Variants in CSMD1 observed in about 807,000 individuals in gnomAD.
CSMD1 encodes the protein CUB and Sushi multiple domains 1.
In CSMD1, 213 loss-of-function variants were observed where a neutral mutation model predicts 417.5. The observed-to-expected ratio is 0.51, with a 90% CI of 0.46 to 0.57. The LOEUF (loss-of-function observed/expected upper bound fraction) is 0.57, where lower values mean the gene tolerates loss of function less well. Ranked by LOEUF, CSMD1 falls within the 20% of genes least tolerant of loss-of-function variation. The pLI is 0.00. For synonymous variants in CSMD1, 2,862 were observed against 1,736.8 expected, an observed-to-expected ratio of 1.65 and a Z score of -16.11; for missense variants, 6,923 against 4,529.7, an observed-to-expected ratio of 1.53 and a Z score of -15.17.
At chr8:4,751,932 T>C (rs1455421844) in intron 1 of CSMD1, among the ~76,000 whole-genome samples, 2 of 152,196 alleles carry the variant, frequency 1.3e-5, no homozygotes, top group South Asian at 4.1e-4. Flanking sequence ...GGAAGATCCA[T>C]GTAATCTGAG....
intron 3 of CSMD1, among the ~76,000 whole-genome samples, chr8:4,266,119 A>G (rs1354515): frequency 0.94 from 95,670 of 101,838 alleles, 46,011 homozygotes; most frequent in East Asian, 1. Flanking sequence ...ATCATTTGGA[A>G]CTGACTTAAA....
At chr8:3,709,454 C>G (rs944591349) in intron 6 of CSMD1, among the ~76,000 whole-genome samples, 24 of 152,028 alleles carry the variant, frequency 1.6e-4, no homozygotes, top group Admixed American at 1.5e-3. Flanking sequence ...CTGACTGCAC[C>G]ACAAGGTGCT....
At chr8:4,835,288 C>T (rs6992388) in intron 1 of CSMD1, among the ~76,000 whole-genome samples, 130,885 of 151,780 alleles carry the variant, frequency 0.86, 57,940 homozygotes, top group East Asian at 0.98. Context: ...CAAACATCGT[C>T]GGAGATTACG....
At chr8:3,872,443 G>C (rs1050776837) in intron 5 of CSMD1, among the ~76,000 whole-genome samples, 7 of 152,248 alleles carry the variant, frequency 4.6e-5, no homozygotes, top group Admixed American at 1.3e-4. Context: ...ATTATCCGAA[G>C]CCCACTGTGC....
At chr8:3,886,046 G>C (rs1292187015) in intron 5 of CSMD1, among the ~76,000 whole-genome samples, 2 of 151,444 alleles carry the variant, frequency 1.3e-5, no homozygotes, top group Non-Finnish European at 2.9e-5. Flanking sequence ...TATATATACA[G>C]ACACATTTAT....
intron 5 of CSMD1, among the ~76,000 whole-genome samples, chr8:3,888,510 G>A (rs190603406): frequency 2.0e-5 from 3 of 152,270 alleles, no homozygotes; most frequent in Admixed American, 1.3e-4. Context: ...AACACAAAGC[G>A]CTTTGCTGGC....
chr8:4,030,897 G>C (rs888769464), intron 4 of CSMD1, among the ~76,000 whole-genome samples: 4 of 152,100 alleles, frequency 2.6e-5, no homozygotes, highest in African/African-American at 9.7e-5. Flanking sequence ...CAAGTTCAAA[G>C]TTCCACAACT....
At position 3,613,505 on chromosome 8, in the gene CSMD1, C is replaced by G. The variant is rs559154384; in HGVS notation, c.1097+3205G>C. 1.4e-3 allele frequency among the ~76,000 whole-genome samples: 219 copies of G among 151,798 alleles called. 1 individual carries two copies. The highest frequency in any genetic ancestry group is 4.9e-3 in the African/African-American group (205 of 41,450). On this transcript the variant is annotated intron_variant, in intron 8 of 69. Transcript: ENST00000635120. ...TAAAAATACCTGTAAAAAAACTAAA[C>G]AACATTTTAACAAGTCAAATTCAAC...
At chr8:4,463,262 G>C (rs1042760154) in intron 2 of CSMD1, among the ~76,000 whole-genome samples, 2 of 152,022 alleles carry the variant, frequency 1.3e-5, no homozygotes, top group Admixed American at 6.6e-5. Flanking sequence ...CACTAAAATA[G>C]GTACCATCAA....
At chr8:4,126,961 C>G (rs887758149) in intron 3 of CSMD1, among the ~76,000 whole-genome samples, 1 of 152,098 alleles carries the variant, frequency 6.6e-6, no homozygotes, top group Non-Finnish European at 1.5e-5. Context: ...TGAGGACCTA[C>G]ACTGTCAAGC....
At chr8:4,526,841 T>C (rs573990847) in intron 2 of CSMD1, among the ~76,000 whole-genome samples, 95 of 152,320 alleles carry the variant, frequency 6.2e-4, no homozygotes, top group African/African-American at 2.0e-3. Flanking sequence ...AAATGTTTTT[T>C]TTCTCCCCCC....
At chr8:4,751,918 G>A (rs1370110270) in intron 1 of CSMD1, among the ~76,000 whole-genome samples, 1 of 152,132 alleles carries the variant, frequency 6.6e-6, no homozygotes, top group Admixed American at 6.6e-5. Context: ...TAGTTCCAGA[G>A]TCAGGAAGAT....
chr8:4,272,194 T>C lies in CSMD1; in HGVS notation c.415+147759A>G, dbSNP rs11993610. On this transcript the variant is annotated intron_variant, in intron 3 of 69. Transcript: ENST00000635120. ...TACAGCTAGTTTTCCTGTATGACCTTAATAGGTATAGTACTTTATGGCTTA... is the reference window on the plus strand; with the variant it reads ...TACAGCTAGTTTTCCTGTATGACCTCAATAGGTATAGTACTTTATGGCTTA... Among the ~76,000 whole-genome samples, 881 of 152,264 alleles carry C rather than the reference T, an allele frequency of 5.8e-3. 10 individuals are homozygous for C. The highest frequency in any genetic ancestry group is 0.02 in the African/African-American group (812 of 41,540).
At chr8:3,063,867 G>A (rs144784874) in intron 49 of CSMD1, among the ~76,000 whole-genome samples, 2 of 152,182 alleles carry the variant, frequency 1.3e-5, no homozygotes, top group East Asian at 3.9e-4. Context: ...TTTCAGTTTT[G>A]CAAGTTAGAA....
chr8:3,971,134 G>C (rs886434951), intron 5 of CSMD1, among the ~76,000 whole-genome samples: 2 of 151,566 alleles, frequency 1.3e-5, no homozygotes, highest in East Asian at 2.0e-4. Flanking sequence ...AAATCACACG[G>C]TGTTAAATAT....
intron 3 of CSMD1, among the ~76,000 whole-genome samples, chr8:4,372,823 G>C (rs941630207): frequency 1.5e-4 from 23 of 151,724 alleles, no homozygotes; most frequent in African/African-American, 5.3e-4. Context: ...AAATAAAATA[G>C]GAAGAAAGCC....
chr8:3,960,530 A>G (rs1812253311), intron 5 of CSMD1, among the ~76,000 whole-genome samples: 1 of 152,192 alleles, frequency 6.6e-6, no homozygotes, highest in South Asian at 2.1e-4. Context: ...TTAGCATTTA[A>G]GTGTGCCAAT....
At chr8:3,310,958 C>G (rs1190192668) in intron 23 of CSMD1, among the ~76,000 whole-genome samples, 1 of 152,166 alleles carries the variant, frequency 6.6e-6, no homozygotes, top group East Asian at 1.9e-4. Flanking sequence ...AACACATCTG[C>G]TGGGGATGAT....
chr8:3,308,915 G>A (rs1036563367), intron 23 of CSMD1, among the ~76,000 whole-genome samples: 2 of 151,888 alleles, frequency 1.3e-5, no homozygotes, highest in South Asian at 2.1e-4. Context: ...AGTAGAGACG[G>A]GGTTTCACTA....
Sources: gnomAD v4.1 joint callset for allele counts (sites outside exome capture counted in the v4.1 genomes callset) on GRCh38, gnomAD v4.1.1 for gene constraint, MANE v1.5 for transcripts, NCBI Gene and HGNC (gene_info 2026-07-23, HGNC 2026-07-21) for gene names.